Variants in CRCP observed in about 807,000 individuals in gnomAD.
The protein encoded by CRCP is CGRP receptor component.
A neutral mutation model predicts 18.5 loss-of-function variants in CRCP; 18 were observed. The observed-to-expected ratio is 0.97, with a 90% confidence interval of 0.67 to 1.44. CRCP has a LOEUF of 1.44. Among genes scored for constraint, CRCP ranks in the 40% most tolerant of loss-of-function variants. The pLI, the probability that CRCP is intolerant of heterozygous loss-of-function variation, is 0.00. For synonymous variants in CRCP, 53 were observed against 62.9 expected (o/e 0.84, Z 0.75); for missense variants, 130 against 176.4 (o/e 0.74, Z 1.49).
chr7:66,145,340 G>C (rs984887236), intron 4 of CRCP, 103 bp from the exon 5 acceptor site: 2 of 1,157,210 alleles, frequency 1.7e-6, no homozygotes, highest in Non-Finnish European at 2.6e-6. Context: ...ACACTCCAGT[G>C]GTTCTCCCAT....
chr7:66,116,532 C>A (rs1261034121), intron 1 of CRCP, among the ~76,000 whole-genome samples: 1 of 151,006 alleles, frequency 6.6e-6, no homozygotes, highest in African/African-American at 2.4e-5. Context: ...ATTAATTTTG[C>A]AACCCACTGA....
intron 1 of CRCP, among the ~76,000 whole-genome samples, chr7:66,125,599 G>A (rs988828898): frequency 6.7e-6 from 1 of 149,160 alleles, no homozygotes; most frequent in Admixed American, 6.7e-5. Context: ...GTGAAAGAGG[G>A]TTTTCCTCCT....
At chr7:66,123,625 G>A (rs1206743153) in intron 1 of CRCP, among the ~76,000 whole-genome samples, 1 of 151,972 alleles carries the variant, frequency 6.6e-6, no homozygotes, top group African/African-American at 2.4e-5. Flanking sequence ...GCTCATGCCT[G>A]TAATACCAGC....
At chr7:66,115,528 A>G (rs1193614371) in intron 1 of CRCP, among the ~76,000 whole-genome samples, 1 of 152,094 alleles carries the variant, frequency 6.6e-6, no homozygotes, top group African/African-American at 2.4e-5. Context: ...GGACCAGAGA[A>G]ACAGCAGGGG....
intron 4 of CRCP, 171 bp downstream of exon 4, chr7:66,134,545 CTTTTTTTT>C: frequency 3.4e-6 from 1 of 290,836 alleles, no homozygotes; most frequent in Non-Finnish European, 6.2e-6. Flanking sequence ...AGGAACAAAT[CTTTTTTTT>C]TTTTTTTTTA....
intron 5 of CRCP, among the ~76,000 whole-genome samples, chr7:66,145,717 G>A (rs1227915109): frequency 6.6e-6 from 1 of 152,242 alleles, no homozygotes; most frequent in Non-Finnish European, 1.5e-5. Flanking sequence ...GGTTTTGGCT[G>A]ATGACTTGGC....
At position 66,145,513 on chromosome 7, in the gene CRCP, C is replaced by T. The variant is rs1481274120; in HGVS notation, c.297+13C>T. The T allele has an allele frequency of 5.6e-6, 9 of 1,613,524 alleles. No individual in the cohort carries two copies. Among genetic ancestry groups the T allele is most frequent in the East Asian group, 4.5e-5 (2 of 44,874 alleles). Reference sequence around the variant, plus strand: ...GGAGATCCAGCTGGTGAGTGAAGGGCGCCTGTGCTGGGGAGGCTGCTGTGG... The same window carrying T: ...GGAGATCCAGCTGGTGAGTGAAGGGTGCCTGTGCTGGGGAGGCTGCTGTGG... On this transcript the variant is annotated intron_variant, in intron 5 of 5. Coordinates refer to ENST00000395326, the MANE Select transcript of CRCP (RefSeq NM_014478.5).
At chr7:66,117,648 C>G (rs1042913600) in intron 1 of CRCP, among the ~76,000 whole-genome samples, 1 of 152,228 alleles carries the variant, frequency 6.6e-6, no homozygotes, top group Non-Finnish European at 1.5e-5. Context: ...TCTTCCCCAG[C>G]CTCCATTCTG....
At chr7:66,129,434 T>C (rs1787722018) in intron 2 of CRCP, among the ~76,000 whole-genome samples, 1 of 152,138 alleles carries the variant, frequency 6.6e-6, no homozygotes, top group Non-Finnish European at 1.5e-5. Flanking sequence ...GCCCAGGAGT[T>C]TGAGGTTACA....
intron 5 of CRCP, among the ~76,000 whole-genome samples, chr7:66,151,667 T>C (rs1465966498): frequency 1.5e-5 from 1 of 65,142 alleles, no homozygotes; most frequent in Admixed American, 1.8e-4. Flanking sequence ...TGTTCACCAC[T>C]TCTCTCTGTG....
intron 5 of CRCP, 86 bp from the exon 6 acceptor site, chr7:66,152,122 G>A: frequency 6.6e-7 from 1 of 1,507,500 alleles, no homozygotes; most frequent in Non-Finnish European, 9.1e-7. Flanking sequence ...CAGGAGGCCG[G>A]GCTGAGACCA....
intron 4 of CRCP, among the ~76,000 whole-genome samples, chr7:66,144,221 CT>C (rs1788223076): frequency 6.6e-6 from 1 of 152,156 alleles, no homozygotes; most frequent in African/African-American, 2.4e-5. Context: ...TGATCTGTTT[CT>C]TTCTTTGAGG....
At chr7:66,126,926 A>G (rs1367606830) in intron 1 of CRCP, among the ~76,000 whole-genome samples, 1 of 151,726 alleles carries the variant, frequency 6.6e-6, no homozygotes, top group African/African-American at 2.4e-5. Context: ...TCACATGGCC[A>G]AAGAATTCAG....
At chr7:66,131,112 C>G (rs1157032937) in intron 3 of CRCP, among the ~76,000 whole-genome samples, 1 of 151,938 alleles carries the variant, frequency 6.6e-6, no homozygotes, top group African/African-American at 2.4e-5. Flanking sequence ...GTAGCTGGGA[C>G]TGCAGGCGCC....
Position 66,152,346 on chromosome 7 carries a change from G to GACCCAGCATAGAAGAGC in CRCP, c.439_*8dup. The GACCCAGCATAGAAGAGC allele has an allele frequency of 6.2e-7, 1 of 1,614,058 alleles. No homozygotes were observed. Among genetic ancestry groups the GACCCAGCATAGAAGAGC allele is most frequent in the Non-Finnish European group, 8.5e-7 (1 of 1,180,032 alleles). On this transcript the variant is annotated stop_gained and frameshift_variant, in exon 6 of 6. Transcript: ENST00000395326. LOFTEE classifies it high-confidence loss of function. ...CAGCAATGTGGCAATGGACGAAGAG[G>GACCCAGCATAGAAGAGC]ACCCAGCATAGAAGAGCACAGCTGG...
chr7:66,127,152 A>T (rs547759944), intron 1 of CRCP, among the ~76,000 whole-genome samples: 1 of 152,320 alleles, frequency 6.6e-6, no homozygotes, highest in South Asian at 2.1e-4. Context: ...CTGATATGCT[A>T]TTGTAGAGTG....
At chr7:66,116,819 CTGT>C (rs1374392611) in intron 1 of CRCP, among the ~76,000 whole-genome samples, 4 of 152,044 alleles carry the variant, frequency 2.6e-5, no homozygotes, top group African/African-American at 7.2e-5. Flanking sequence ...ACGGGAATGA[CTGT>C]TAAGATTACC....
chr7:66,130,873 A>C, intron 3 of CRCP, 31 bp downstream of exon 3: 1 of 1,163,268 alleles, frequency 8.6e-7, no homozygotes, highest in Non-Finnish European at 1.3e-6. Context: ...GGCCTACCTA[A>C]AGTACCATTG....
intron 5 of CRCP, among the ~76,000 whole-genome samples, chr7:66,146,316 AG>A (rs1303834652): frequency 1.3e-5 from 2 of 152,142 alleles, no homozygotes; most frequent in Non-Finnish European, 2.9e-5. Flanking sequence ...CGATGGGATA[AG>A]GGGCCCGGGA....
Sources: allele counts gnomAD v4.1 joint callset (sites outside exome capture counted in the v4.1 genomes callset), GRCh38; gene constraint gnomAD v4.1.1; transcripts MANE v1.5; gene names NCBI Gene and HGNC (gene_info 2026-07-23, HGNC 2026-07-21).